The following PUDP variants were observed in gnomAD, a reference collection of about 807,000 sequenced individuals.
The protein encoded by PUDP is pseudouridine 5'-phosphatase.
A neutral mutation model predicts 9.4 loss-of-function variants in PUDP; 8 were observed. The observed-to-expected ratio is 0.85, with a 90% CI of 0.50 to 1.53. The LOEUF (loss-of-function observed/expected upper bound fraction) is 1.53, where lower values mean the gene tolerates loss of function less well. Among genes scored for constraint, PUDP ranks in the 40% most tolerant of loss-of-function variants. The probability of loss-of-function intolerance (pLI) is 0.00; values close to 1 mark genes in which losing one functional copy is unlikely to be tolerated. For synonymous variants in PUDP, 99 were observed against 80.7 expected, an observed-to-expected ratio of 1.23 and a Z score of -1.22; for missense variants, 188 against 189.7, an observed-to-expected ratio of 0.99 and a Z score of 0.05.
intron 3 of PUDP, among the ~76,000 whole-genome samples, chrX:6,780,640 G>T (rs979537762): frequency 1.8e-5 from 2 of 111,463 alleles, no homozygotes; most frequent in Non-Finnish European, 3.8e-5. Context: ...GCTTTAAGGC[G>T]TGTAGCAGCA....
intron 3 of PUDP, among the ~76,000 whole-genome samples, chrX:6,861,158 A>G (rs1165316513): frequency 9.0e-6 from 1 of 111,574 alleles, no homozygotes; most frequent in Non-Finnish European, 1.9e-5. Flanking sequence ...AATACCCTCT[A>G]CTTCTCTTCC....
At chrX:7,086,138 C>T (rs1931256291) in intron 2 of PUDP, among the ~76,000 whole-genome samples, 1 of 111,555 alleles carries the variant, frequency 9.0e-6, no homozygotes, top group Admixed American at 9.6e-5. Context: ...CTTTAAAATG[C>T]CCAGTCACCT....
intron 1 of PUDP, among the ~76,000 whole-genome samples, chrX:7,130,053 A>G (rs1602827602): frequency 9.0e-6 from 1 of 111,647 alleles, no homozygotes; most frequent in East Asian, 2.8e-4. Flanking sequence ...TGGAAAATCA[A>G]CTGTGTTTGG....
In PUDP at chrX:6,807,537, G is replaced by A. The variant is rs1488138461; in HGVS notation, c.*248-101071C>T. On this transcript the variant is annotated intron_variant and NMD_transcript_variant, in intron 3 of 3. Transcript: ENST00000655425. ...CTATGTCCCTGCCTATCCAGGTGTC[G>A]CAATGGAAGCAGAAGTTTGGACATC... Among the ~76,000 whole-genome samples the A allele has an allele frequency of 2.7e-5, 3 of 112,177 alleles. No individual in the cohort carries two copies. In the South Asian group the frequency reaches 1.1e-3, roughly 42 times the overall value.
At position 6,933,833 on chromosome X, in the gene PUDP, A is replaced by G. The variant is rs1042261640; in HGVS notation, c.*247+43300T>C. Among the ~76,000 whole-genome samples the G allele has an allele frequency of 2.3e-4, 26 of 111,935 alleles. 1 individual carries two copies. The highest frequency in any genetic ancestry group is 1.5e-4 in the Non-Finnish European group (8 of 53,229). ...CCAAGGCTCGAGAACTAGGTGAAGA[A>G]TGCAGAAGCCCCAGGAGCCGATGCG... On this transcript the variant is annotated intron_variant and NMD_transcript_variant, in intron 3 of 3. Coordinates refer to the PUDP transcript ENST00000655425.
At chrX:6,823,602 A>G (rs749967151) in intron 3 of PUDP, among the ~76,000 whole-genome samples, 2 of 112,808 alleles carry the variant, frequency 1.8e-5, no homozygotes, top group South Asian at 7.4e-4. Context: ...CACACAAGAA[A>G]GAATTCAGGG....
intron 3 of PUDP, among the ~76,000 whole-genome samples, chrX:6,843,193 C>A (rs772053935): frequency 8.0e-5 from 9 of 112,575 alleles, no homozygotes; most frequent in Non-Finnish European, 1.7e-4. Context: ...CTCAAAGTGA[C>A]TAAGAACAGG....
chrX:6,848,774 C>T (rs1051069455), intron 3 of PUDP, among the ~76,000 whole-genome samples: 2 of 111,538 alleles, frequency 1.8e-5, no homozygotes, highest in African/African-American at 3.3e-5. Flanking sequence ...GACTTCCCCC[C>T]ACTCTCTTAC....
intron 3 of PUDP, among the ~76,000 whole-genome samples, chrX:6,752,549 A>T (rs928440980): frequency 2.7e-5 from 3 of 112,170 alleles, no homozygotes; most frequent in Non-Finnish European, 5.6e-5. Context: ...AATTTGAAGA[A>T]TATTTTCCTT....
intron 3 of PUDP, among the ~76,000 whole-genome samples, chrX:6,913,430 G>T (rs768866059): frequency 8.9e-6 from 1 of 111,966 alleles, no homozygotes; most frequent in South Asian, 3.7e-4. Flanking sequence ...AAATGTTGAA[G>T]AACCTTTTTT....
intron 3 of PUDP, among the ~76,000 whole-genome samples, chrX:6,876,352 C>T (rs1170166894): frequency 9.0e-6 from 1 of 111,172 alleles, no homozygotes; most frequent in Non-Finnish European, 1.9e-5. Context: ...TTAGGATATT[C>T]TCCACCTACA....
At chrX:6,947,715 T>A (rs1928489631) in intron 3 of PUDP, among the ~76,000 whole-genome samples, 1 of 110,522 alleles carries the variant, frequency 9.0e-6, no homozygotes, top group Non-Finnish European at 1.9e-5. Flanking sequence ...TCAGTTGAGC[T>A]CAGGAGTTCA....
intron 3 of PUDP, among the ~76,000 whole-genome samples, chrX:6,889,370 G>A (rs1465313215): frequency 9.0e-6 from 1 of 111,431 alleles, no homozygotes; most frequent in Non-Finnish European, 1.9e-5. Context: ...TTCTCGCCAT[G>A]TTGTCCAGGC....
chrX:7,103,257 G>GT (rs1479467446), intron 2 of PUDP, among the ~76,000 whole-genome samples: 26 of 111,946 alleles, frequency 2.3e-4, no homozygotes, highest in Admixed American at 9.5e-5. Context: ...ACACTCTCAC[G>GT]TATTTGTCAA....
chrX:6,984,332 G>A (rs889857975), intron 1 of PUDP, among the ~76,000 whole-genome samples: 3 of 111,938 alleles, frequency 2.7e-5, no homozygotes, highest in African/African-American at 6.5e-5. Flanking sequence ...AATACACTGT[G>A]CTGATGTTTG....
chrX:6,884,900 G>A (rs1040059082), intron 3 of PUDP, among the ~76,000 whole-genome samples: 11 of 112,266 alleles, frequency 9.8e-5, no homozygotes, highest in South Asian at 3.7e-4. Context: ...GAGTGTTTCT[G>A]TATAGTGCCA....
chrX:6,898,167 G>C (rs912719531), intron 3 of PUDP, among the ~76,000 whole-genome samples: 2 of 112,133 alleles, frequency 1.8e-5, no homozygotes, highest in African/African-American at 6.5e-5. Context: ...AGCCCATGGA[G>C]CCCAGGGAGC....
intron 1 of PUDP, among the ~76,000 whole-genome samples, chrX:7,001,048 C>A (rs970179262): frequency 1.8e-5 from 2 of 109,451 alleles, no homozygotes; most frequent in African/African-American, 6.6e-5. Context: ...CCTAAAAAAA[C>A]CCTCAAACCT....
At position 6,733,052 on chromosome X, in the gene PUDP, G is replaced by A. The variant is rs1023831340; in HGVS notation, c.*248-26586C>T. 7.1e-5 allele frequency among the ~76,000 whole-genome samples: 8 copies of A among 112,409 alleles called. No individual in the cohort carries two copies. In the Admixed American group the frequency reaches 7.5e-4, roughly 11 times the overall value. On this transcript the variant is annotated intron_variant and NMD_transcript_variant, in intron 3 of 3. Coordinates refer to the PUDP transcript ENST00000655425. ...ACCAGGTAAAAGACTGCAGGGTGAT[G>A]AGAAGGGGCATGGATTGAGCCACTG...
Sources: allele counts gnomAD v4.1 joint callset (sites outside exome capture counted in the v4.1 genomes callset), GRCh38; gene constraint gnomAD v4.1.1; transcripts MANE v1.5; gene names NCBI Gene and HGNC (gene_info 2026-07-23, HGNC 2026-07-21).